The following CPAP variants were observed in gnomAD, a reference collection of about 807,000 sequenced individuals.
The protein encoded by CPAP is centrosome assembly and centriole elongation protein.
chr13:24,903,570 C>CAAGAAA, the CPAP span, among the ~76,000 whole-genome samples: 10 of 152,206 alleles, frequency 6.6e-5, no homozygotes, highest in Non-Finnish European at 1.5e-4. Context: ...TCCAGAATCA[C>CAAGAAA]AAGAAAATAC....
the CPAP span, among the ~76,000 whole-genome samples, chr13:24,931,795 T>C: frequency 2.6e-5 from 4 of 152,256 alleles, no homozygotes; most frequent in Non-Finnish European, 5.9e-5. Context: ...TCCACGAACT[T>C]TCCCGAAATT....
chr13:24,897,435 G>C, the CPAP span, among the ~76,000 whole-genome samples: 1 of 152,164 alleles, frequency 6.6e-6, no homozygotes, highest in Non-Finnish European at 1.5e-5. Flanking sequence ...GTATATGCCT[G>C]CTACACAGCA....
chr13:24,884,364 A>G, the CPAP span: 3 of 1,614,208 alleles, frequency 1.9e-6, no homozygotes, highest in South Asian at 1.1e-5. Flanking sequence ...TCACCATTAA[A>G]GAAAGTGACA....
At chr13:24,883,233 C>T in the CPAP span, 26 of 1,613,934 alleles carry the variant, frequency 1.6e-5, no homozygotes, top group Admixed American at 6.7e-5. Context: ...CTTATCCGAC[C>T]GGATCTGTAC....
the CPAP span, among the ~76,000 whole-genome samples, chr13:24,902,705 T>C: frequency 4.6e-3 from 703 of 152,306 alleles, 6 homozygotes; most frequent in African/African-American, 0.016. Context: ...AAAGCAGCTA[T>C]TGAACTAGCA....
chr13:24,919,094 T>C, the CPAP span, among the ~76,000 whole-genome samples: 1 of 151,800 alleles, frequency 6.6e-6, no homozygotes, highest in South Asian at 2.1e-4. Flanking sequence ...GAAGAGGAGG[T>C]AAATAGGTTA....
chr13:24,885,713 T>C, the CPAP span: 1 of 1,401,556 alleles, frequency 7.1e-7, no homozygotes, highest in South Asian at 1.2e-5. Flanking sequence ...AATATTTAAT[T>C]GAAAATTTTA....
the CPAP span, chr13:24,899,557 C>T: frequency 6.2e-7 from 1 of 1,613,856 alleles, no homozygotes; most frequent in Non-Finnish European, 8.5e-7. Flanking sequence ...CTTTTGCTTT[C>T]TGTTGTTCGA....
the CPAP span, chr13:24,924,603 T>A: frequency 6.6e-6 from 1 of 152,238 alleles, no homozygotes; most frequent in Admixed American, 6.5e-5. Context: ...CAATAAAATG[T>A]TCTACCTTAT....
At chr13:24,913,044 T>TAA in the CPAP span, 7 of 1,606,384 alleles carry the variant, frequency 4.4e-6, no homozygotes, top group South Asian at 1.1e-5. Flanking sequence ...AATGACACTA[T>TAA]TATATTTAAA....
At chr13:24,904,140 C>A in the CPAP span, 1 of 1,466,238 alleles carries the variant, frequency 6.8e-7, no homozygotes. Context: ...ACACTAAGAG[C>A]CAAGAATATG....
the CPAP span, among the ~76,000 whole-genome samples, chr13:24,915,622 G>A: frequency 3.4e-4 from 51 of 152,154 alleles, no homozygotes; most frequent in Admixed American, 9.8e-4. Flanking sequence ...TGGCCAACAT[G>A]GTGAAACCCC....
chr13:24,884,208 G>A, the CPAP span: 1 of 1,614,196 alleles, frequency 6.2e-7, no homozygotes, highest in Non-Finnish European at 8.5e-7. Flanking sequence ...CTCCGGGTAT[G>A]TCGTGTGAGT....
At chr13:24,902,378 T>G in the CPAP span, among the ~76,000 whole-genome samples, 1 of 152,202 alleles carries the variant, frequency 6.6e-6, no homozygotes, top group African/African-American at 2.4e-5. Context: ...GGAGAACGGA[T>G]TGGAATAAGT....
At chr13:24,933,511 G>C in the CPAP span, 3 of 185,064 alleles carry the variant, frequency 1.6e-5, no homozygotes, top group East Asian at 3.8e-4. Context: ...GTCAACGCTG[G>C]GGTGATATAC....
At chr13:24,887,470 A>T in the CPAP span, among the ~76,000 whole-genome samples, 3 of 152,172 alleles carry the variant, frequency 2.0e-5, no homozygotes, top group Non-Finnish European at 4.4e-5. Flanking sequence ...AGATTCTCAT[A>T]GGAGCAAGAA....
chr13:24,908,433 T>TAAA, the CPAP span, among the ~76,000 whole-genome samples: 2 of 5,060 alleles, frequency 4.0e-4, no homozygotes, highest in South Asian at 7.9e-3. Flanking sequence ...ACCCCGTCTC[T>TAAA]ACAAAAAAAA....
At chr13:24,886,432 T>C in the CPAP span, 1 of 1,142,486 alleles carries the variant, frequency 8.8e-7, no homozygotes, top group African/African-American at 1.6e-5. Flanking sequence ...ATCACTGATT[T>C]ATAGGTCCCA....
the CPAP span, among the ~76,000 whole-genome samples, chr13:24,921,053 G>A: frequency 6.6e-6 from 1 of 152,136 alleles, no homozygotes; most frequent in South Asian, 2.1e-4. Flanking sequence ...TACAAATTGA[G>A]TCATTCTTAT....
Sources: gnomAD v4.1 joint callset for allele counts (sites outside exome capture counted in the v4.1 genomes callset) on GRCh38, gnomAD v4.1.1 for gene constraint, MANE v1.5 for transcripts, NCBI Gene and HGNC (gene_info 2026-07-23, HGNC 2026-07-21) for gene names.